Variants in MAPK7 observed in about 807,000 individuals in gnomAD.
The protein encoded by MAPK7 is mitogen-activated protein kinase 7.
In MAPK7, 30 loss-of-function variants were observed where a neutral mutation model predicts 56.9. The observed-to-expected ratio is 0.53, with a 90% CI of 0.39 to 0.72. The LOEUF (loss-of-function observed/expected upper bound fraction) is 0.72. MAPK7 is among the 30% of genes least tolerant of loss of function. The pLI, the probability that MAPK7 is intolerant of heterozygous loss-of-function variation, is 0.00. For missense variants in MAPK7, 952 were observed against 1,110.8 expected, an observed-to-expected ratio of 0.86 and a Z score of 2.03; for synonymous variants, 516 against 449.3, an observed-to-expected ratio of 1.15 and a Z score of -1.88.
Position 19,378,599 on chromosome 17 carries a change from G to A in MAPK7, c.-37G>A. Reference sequence around the variant, plus strand: ...TGGGGACGGGAGGCCGGCGAGCCTCGGGACCTCTGAAAGCCTTGAGGAGGC... The same window carrying A: ...TGGGGACGGGAGGCCGGCGAGCCTCAGGACCTCTGAAAGCCTTGAGGAGGC... On this transcript the variant is annotated 5_prime_UTR_variant, in exon 1 of 7. Transcript: ENST00000395604. This position sits in a 1 kb window ranked among gnomAD's most constrained non-coding sequence, Gnocchi z 5.4. 1.6e-6 allele frequency: 2 copies of A among 1,249,146 alleles called. No homozygotes were observed. The highest frequency in any genetic ancestry group is 3.7e-5 in the East Asian group (1 of 27,268). The allele number at this position is 1,249,146 out of a possible 1,614,324, so 77.4% of individuals were successfully genotyped here.
At position 19,378,960 on chromosome 17, in the gene MAPK7, C is replaced by A. The variant is rs781750078; in HGVS notation, c.60C>A (p.Pro20=). The change falls in exon 2 of 7, where the codon CCC becomes CCA. Residue 20 remains proline, a synonymous_variant. Transcript: ENST00000395604. This position sits in a 1 kb window ranked among gnomAD's most constrained non-coding sequence, Gnocchi z 5.4. The stretch of plus-strand genomic sequence containing the variant: ...ACGGCTCTGCGGAGCCCCCCGGGCC[C>A]GTGAAGGCCGAACCCGCCCACACCG... ...GEDGSAEPPG[P]VKAEPAHTAA... 1.2e-6 allele frequency: 2 copies of A among 1,602,890 alleles called. No homozygotes were observed. The highest frequency in any genetic ancestry group is 2.7e-5 in the African/African-American group (2 of 74,762).
chr17:19,381,290 C>G lies in MAPK7; in HGVS notation c.1081C>G (p.Pro361Ala), dbSNP rs750159595. 6.2e-7 allele frequency: 1 copy of G among 1,613,966 alleles called. No individual in the cohort carries two copies. The highest frequency in any genetic ancestry group is 8.5e-7 in the Non-Finnish European group (1 of 1,180,050). ...HDPDDEPDCAPPFDFAFDREA... is the reference protein window; with the variant it reads ...HDPDDEPDCAAPFDFAFDREA... ...TCCTGATGATGAGCCTGACTGTGCC[C>G]CGCCCTTTGACTTTGCCTTTGACCG... The change falls in exon 4 of 7, where the codon CCG (proline) becomes GCG (alanine). Residue 361 changes from proline to alanine, a missense_variant. By Grantham distance (27) the Pro-to-Ala change is conservative. Around this residue, in one of 5 missense-constraint regions of MAPK7, gnomAD observed 429 missense variants for 533.0 expected, o/e 0.80. Coordinates refer to ENST00000395604, the MANE Select transcript of MAPK7 (RefSeq NM_002749.4). This position sits in a 1 kb window ranked among gnomAD's most constrained non-coding sequence, Gnocchi z 4.6.
Position 19,380,725 on chromosome 17 carries a change from C to T in MAPK7, c.516C>T (p.Tyr172=). 6.2e-7 allele frequency: 1 copy of T among 1,614,226 alleles called. No homozygotes were observed. The highest frequency in any genetic ancestry group is 8.5e-7 in the Non-Finnish European group (1 of 1,180,038). ...FLYQLLRGLK[Y]MHSAQVIHRD... ...ACCAACTGCTGCGGGGCCTGAAGTA[C>T]ATGCACTCGGCTCAGGTCATCCACC... Residue 172 remains tyrosine (Y), a synonymous_variant, in exon 4 of 7, where the codon TAC becomes TAT. Coordinates refer to ENST00000395604, the MANE Select transcript of MAPK7 (RefSeq NM_002749.4).
Position 19,383,300 on chromosome 17 carries a change from C to T in MAPK7, c.*69C>T. On this transcript the variant is annotated 3_prime_UTR_variant, in exon 7 of 7. Coordinates refer to ENST00000395604, the MANE Select transcript of MAPK7 (RefSeq NM_002749.4). Reference sequence around the variant, plus strand: ...GGATCCATGGGAGCATTCTCAAAGGCTTTAGCCCTGGACCCAGCAGGTGAG... The same window carrying T: ...GGATCCATGGGAGCATTCTCAAAGGTTTTAGCCCTGGACCCAGCAGGTGAG... 1 of 1,552,952 alleles carries T rather than the reference C, an allele frequency of 6.4e-7. No homozygotes were observed. The highest frequency in any genetic ancestry group is 1.7e-5 in the Admixed American group (1 of 57,922).
At position 19,383,260 on chromosome 17, in the gene MAPK7, G is replaced by A; in HGVS notation, c.*29G>A. 6.2e-7 allele frequency: 1 copy of A among 1,611,202 alleles called. No homozygotes were observed. The highest frequency in any genetic ancestry group is 8.5e-7 in the Non-Finnish European group (1 of 1,178,190). On this transcript the variant is annotated 3_prime_UTR_variant, in exon 7 of 7. Transcript: ENST00000395604. ...CCCCAGCCTGTGCCTTGCTGCCACA[G>A]TAGACCTAGTTCCAGGATCCATGGG...
chr17:19,383,435 T>C lies in MAPK7; in HGVS notation c.*204T>C, dbSNP rs1455469950. 1.8e-5 allele frequency: 9 copies of C among 488,926 alleles called. No homozygotes were observed. Among genetic ancestry groups the C allele is most frequent in the Non-Finnish European group, 3.2e-5 (9 of 277,670 alleles). 30.3% of individuals were successfully genotyped at this position (488,926 alleles called of 1,614,324 possible). ...AGGATCGGGAGACCCCAACTCCCCC[T>C]GAACAATCCTTTTCAGTATTATATT... On this transcript the variant is annotated 3_prime_UTR_variant, in exon 7 of 7. Transcript: ENST00000395604.
intron 5 of MAPK7, among the ~76,000 whole-genome samples, 171 bp downstream of exon 5, chr17:19,382,637 CAAGTT>C (rs1233248835): frequency 1.3e-5 from 2 of 152,256 alleles, no homozygotes; most frequent in African/African-American, 4.8e-5. Flanking sequence ...TGTTAGGAGA[CAAGTT>C]AAATATGGCC....
chr17:19,378,341 T>A, upstream of MAPK7: 2 of 988,194 alleles, frequency 2.0e-6, no homozygotes, highest in Non-Finnish European at 2.4e-6. This position sits in a 1 kb window ranked among gnomAD's most constrained non-coding sequence, Gnocchi z 5.4. Flanking sequence ...GCCGGCGAGC[T>A]GGACAGCGGC....
intron 3 of MAPK7, 130 bp from the exon 4 acceptor site, chr17:19,380,478 C>T (rs757539506): frequency 1.4e-5 from 20 of 1,454,452 alleles, no homozygotes; most frequent in African/African-American, 2.8e-5. Context: ...CATACCATGC[C>T]GTCAGCCCCT....
chr17:19,382,694 C>T, intron 5 of MAPK7, 119 bp from the exon 6 acceptor site: 1 of 1,450,298 alleles, frequency 6.9e-7, no homozygotes, highest in South Asian at 1.3e-5. Context: ...CCAGCACTCA[C>T]TGACTGCCGA....
In MAPK7 at chr17:19,381,534, C is replaced by T. The variant is rs1456232919; in HGVS notation, c.1325C>T (p.Pro442Leu). The change falls in exon 4 of 7, where the codon CCC becomes CTC. Residue 442 changes from proline to leucine, a missense_variant. This residue lies in a region of MAPK7 where 429 missense variants were observed against 533.0 expected (regional missense o/e 0.80). Transcript: ENST00000395604. The surrounding 1 kb of genome is among the most constrained non-coding windows in gnomAD (Gnocchi z 4.6). ...ESPPPAPPPC[P>L]GPAPDTIDLT... ...CCACCACCAGCCCCGCCACCATGCC[C>T]CGGCCCTGCACCTGACACCATTGAT... The T allele has an allele frequency of 6.2e-7, 1 of 1,613,660 alleles. No individual in the cohort carries two copies. The highest frequency in any genetic ancestry group is 8.5e-7 in the Non-Finnish European group (1 of 1,179,966).
intron 5 of MAPK7, 121 bp downstream of exon 5, chr17:19,382,587 C>T (rs1195789229): frequency 3.2e-5 from 48 of 1,492,848 alleles, no homozygotes; most frequent in East Asian, 9.1e-5. Context: ...CTGAACGTGT[C>T]CTCTTGCTCA....
In MAPK7 at chr17:19,381,448, C is replaced by G. The variant is rs1209222999; in HGVS notation, c.1239C>G (p.Gly413=). 2 of 1,614,016 alleles carry G rather than the reference C, an allele frequency of 1.2e-6. No homozygotes were observed. The highest frequency in any genetic ancestry group is 2.7e-5 in the African/African-American group (2 of 74,954). ...TACAGCCTGTGGCTAGTGAGCCTGG[C>G]TGTCCAGATGTTGAAATGCCCAGTC... The part of the protein sequence containing the change: ...PSLQPVASEP[G]CPDVEMPSPW... Residue 413 remains glycine, a synonymous_variant, in exon 4 of 7, where the codon GGC becomes GGG. Transcript: ENST00000395604. This position sits in a 1 kb window ranked among gnomAD's most constrained non-coding sequence, Gnocchi z 4.6.
chr17:19,379,565 C>T (rs1004201275), intron 2 of MAPK7: 5 of 586,700 alleles, frequency 8.5e-6, no homozygotes, highest in African/African-American at 1.9e-5. Context: ...TTCTCTTTAA[C>T]GTTGACCTAT....
chr17:19,378,473 G>A (rs967839099), upstream of MAPK7: 12 of 1,033,218 alleles, frequency 1.2e-5, no homozygotes, highest in Admixed American at 6.4e-4. This position sits in a 1 kb window ranked among gnomAD's most constrained non-coding sequence, Gnocchi z 5.4. Flanking sequence ...CGTGGCCTTG[G>A]GAGGCGGGGC....
In MAPK7 at chr17:19,381,518, G is replaced by A. The variant is rs764602331; in HGVS notation, c.1309G>A (p.Ala437Thr). ...GDCAMESPPPAPPPCPGPAPD... is the reference protein window; with the variant it reads ...GDCAMESPPPTPPPCPGPAPD... Reference sequence around the variant, plus strand: ...CTGTGCCATGGAGTCTCCACCACCAGCCCCGCCACCATGCCCCGGCCCTGC... The same window carrying A: ...CTGTGCCATGGAGTCTCCACCACCAACCCCGCCACCATGCCCCGGCCCTGC... Residue 437 changes from alanine to threonine, a missense_variant, in exon 4 of 7, where the codon GCC becomes ACC. Around this residue, in one of 5 missense-constraint regions of MAPK7, gnomAD observed 429 missense variants for 533.0 expected, o/e 0.80. Transcript: ENST00000395604. This position sits in a 1 kb window ranked among gnomAD's most constrained non-coding sequence, Gnocchi z 4.6. 5 of 1,613,628 alleles carry A rather than the reference G, an allele frequency of 3.1e-6. No homozygotes were observed. Among genetic ancestry groups the A allele is most frequent in the Non-Finnish European group, 4.2e-6 (5 of 1,179,924 alleles).
intron 3 of MAPK7, chr17:19,380,187 C>G: frequency 3.6e-6 from 2 of 559,714 alleles, no homozygotes; most frequent in East Asian, 6.1e-5. Context: ...GTAGGACATT[C>G]CTACTATGAC....
chr17:19,381,147 A>G lies in MAPK7; in HGVS notation c.938A>G (p.Tyr313Cys). ...PRQPVPWETV[Y>C]PGADRQALSL... Reference sequence around the variant, plus strand: ...CAGCCTGTGCCCTGGGAGACAGTGTACCCAGGTGCCGACCGCCAGGCCCTA... The same window carrying G: ...CAGCCTGTGCCCTGGGAGACAGTGTGCCCAGGTGCCGACCGCCAGGCCCTA... Residue 313 changes from tyrosine (Y) to cysteine (C), a missense_variant, in exon 4 of 7, where the codon TAC (tyrosine) becomes TGC (cysteine). Physicochemically the swap from Tyr to Cys is radical, Grantham distance 194. Around this residue, in one of 5 missense-constraint regions of MAPK7, gnomAD observed 429 missense variants for 533.0 expected, o/e 0.80. Transcript: ENST00000395604. This position sits in a 1 kb window ranked among gnomAD's most constrained non-coding sequence, Gnocchi z 4.6. 1 of 1,614,008 alleles carries G rather than the reference A, an allele frequency of 6.2e-7. No individual in the cohort carries two copies. Among genetic ancestry groups the G allele is most frequent in the Non-Finnish European group, 8.5e-7 (1 of 1,179,984 alleles).
At position 19,380,299 on chromosome 17, in the gene MAPK7, C is replaced by A. The variant is rs118005937; in HGVS notation, c.399-309C>A. 222 of 516,478 alleles carry A rather than the reference C, an allele frequency of 4.3e-4. 1 individual carries two copies. The highest frequency in any genetic ancestry group is 6.2e-4 in the Non-Finnish European group (190 of 307,132). 32.0% of individuals were successfully genotyped at this position (516,478 alleles called of 1,614,324 possible). On this transcript the variant is annotated intron_variant, in intron 3 of 6. Coordinates refer to ENST00000395604, the MANE Select transcript of MAPK7 (RefSeq NM_002749.4). The stretch of plus-strand genomic sequence containing the variant: ...TCAATTTTCATCATAGTTCTTCAAG[C>A]TGCCACTACCAAACAATGGAGATAG...
Sources: allele counts gnomAD v4.1 joint callset (sites outside exome capture counted in the v4.1 genomes callset), GRCh38; gene constraint gnomAD v4.1.1; regional missense constraint gnomAD v4.1.1; non-coding constraint Gnocchi (gnomAD v3.1); transcripts MANE v1.5; gene names NCBI Gene and HGNC (gene_info 2026-07-23, HGNC 2026-07-21).